USP47: variants seen among roughly 807,000 people sequenced by gnomAD.
USP47 encodes the protein ubiquitin carboxyl-terminal hydrolase 47.
USP47 carries 35 observed loss-of-function variants against 165.1 expected under a neutral mutation model. The observed-to-expected ratio is 0.21, with a 90% CI of 0.16 to 0.28. The LOEUF is 0.28. USP47 is among the 10% of genes least tolerant of loss of function. The pLI is 1.00. For synonymous variants in USP47, 531 were observed against 544.5 expected, an observed-to-expected ratio of 0.98 and a Z score of 0.35; for missense variants, 1,277 against 1,607.4, an observed-to-expected ratio of 0.79 and a Z score of 3.52.
At chr11:11,842,337 G>C in intron 1 of USP47, 113 bp downstream of exon 1, 6 of 1,242,184 alleles carry the variant, frequency 4.8e-6, no homozygotes, top group Non-Finnish European at 6.7e-6. Context: ...GGCTGTGGGG[G>C]AATGAGGAGG....
intron 15 of USP47, 94 bp downstream of exon 15, chr11:11,933,210 G>A: frequency 1.0e-6 from 1 of 970,196 alleles, no homozygotes; most frequent in Non-Finnish European, 1.6e-6. Context: ...TTGATTCTGA[G>A]ACAATTATGC....
At position 11,902,877 on chromosome 11, in the gene USP47, A is replaced by G. The variant is rs1260274115; in HGVS notation, c.739+17A>G. On this transcript the variant is annotated intron_variant, in intron 6 of 27. Coordinates refer to ENST00000527733, the MANE Select transcript of USP47 (RefSeq NM_001282659.2). ...GTAGTGAGGGTACTAATTCTCTTGT[A>G]ATGATAAGCGTTCTAATATTCAAAC... 1 of 1,542,432 alleles carries G rather than the reference A, an allele frequency of 6.5e-7. No homozygotes were observed.
intron 14 of USP47, among the ~76,000 whole-genome samples, chr11:11,931,890 G>A (rs1489289656): frequency 6.6e-6 from 1 of 152,094 alleles, no homozygotes; most frequent in Admixed American, 6.6e-5. Context: ...ATGATTATAT[G>A]TGAGTCTATA....
At chr11:11,920,084 T>C (rs1853719510) in intron 8 of USP47, 72 bp from the exon 9 acceptor site, 1 of 1,151,886 alleles carries the variant, frequency 8.7e-7, no homozygotes, top group Non-Finnish European at 1.2e-6. Context: ...GTAATTACAG[T>C]CTTTTTTATT....
chr11:11,924,728 A>C (rs1320840561), intron 11 of USP47, among the ~76,000 whole-genome samples: 1 of 152,070 alleles, frequency 6.6e-6, no homozygotes, highest in Non-Finnish European at 1.5e-5. Flanking sequence ...GTGTTATCAA[A>C]CTTGGGGGCA....
intron 8 of USP47, among the ~76,000 whole-genome samples, chr11:11,913,196 G>C (rs1590362005): frequency 8.9e-6 from 1 of 112,688 alleles, no homozygotes; most frequent in Admixed American, 1.1e-4. Flanking sequence ...ACTACTAAAG[G>C]AAGAAATAAA....
In USP47 at chr11:11,933,888, G is replaced by A. The variant is rs374383255; in HGVS notation, c.1822G>A (p.Val608Ile). The change falls in exon 16 of 28, where the codon GTT (valine) becomes ATT (isoleucine). Residue 608 changes from valine to isoleucine, a missense_variant. Physicochemically the swap from Val to Ile is conservative, Grantham distance 29 (BLOSUM62 3). Around this residue, in one of 4 missense-constraint regions of USP47, gnomAD observed 909 missense variants for 1,068.1 expected, o/e 0.85. Coordinates refer to ENST00000527733, the MANE Select transcript of USP47 (RefSeq NM_001282659.2). ...KQVMMENKLE[V>I]HKDKTLKEAV... is the part of the protein sequence containing the mutation. ...AGTAATGATGGAAAATAAATTGGAGGTTCATAAGGATAAGACATTAAAGGA... is the reference window on the plus strand; with the variant it reads ...AGTAATGATGGAAAATAAATTGGAGATTCATAAGGATAAGACATTAAAGGA... 6.2e-7 allele frequency: 1 copy of A among 1,609,842 alleles called. No homozygotes were observed.
At chr11:11,904,437 C>T (rs1017729757) in intron 7 of USP47, among the ~76,000 whole-genome samples, 1 of 152,086 alleles carries the variant, frequency 6.6e-6, no homozygotes, top group Admixed American at 6.6e-5. Context: ...CCTGTTCTTA[C>T]TTAGGAGATT....
Position 11,960,371 on chromosome 11 carries a change from A to G in USP47, c.*4196A>G, listed in dbSNP as rs887391934. Among the ~76,000 whole-genome samples, 1 of 152,222 alleles carries G rather than the reference A, an allele frequency of 6.6e-6. No individual in the cohort carries two copies. Among genetic ancestry groups the G allele is most frequent in the Non-Finnish European group, 1.5e-5 (1 of 68,042 alleles). On this transcript the variant is annotated 3_prime_UTR_variant, in exon 28 of 28. Coordinates refer to ENST00000527733, the MANE Select transcript of USP47 (RefSeq NM_001282659.2). ...TGAAGGTAGATGCCCTGCAGGTCCT[A>G]TCAGCAAAGGACCCAACTCCTAACA... is the stretch of plus-strand genomic sequence containing the variant.
intron 20 of USP47, 52 bp downstream of exon 20, chr11:11,943,164 C>T (rs935762125): frequency 2.0e-6 from 3 of 1,531,880 alleles, no homozygotes; most frequent in Non-Finnish European, 1.8e-6. Context: ...GTTTTTCTCT[C>T]AGTTTATTTA....
chr11:11,894,044 A>G (rs1030819152), intron 4 of USP47, among the ~76,000 whole-genome samples: 12 of 152,224 alleles, frequency 7.9e-5, no homozygotes, highest in Non-Finnish European at 8.8e-5. Context: ...AAAAAAATAC[A>G]AAATTATCTT....
intron 21 of USP47, 159 bp from the exon 22 acceptor site, chr11:11,948,319 C>A: frequency 1.2e-6 from 1 of 821,168 alleles, no homozygotes; most frequent in Non-Finnish European, 1.9e-6. Context: ...AGCTGTGTGT[C>A]AGTTACTATT....
rs539441069 is a variant in USP47 at position 11,958,746 on chromosome 11, C to T, written c.*2571C>T. ...GAGGGGTGCATTCTGGCCAAAGAAACAAAAGCTGTGGTTTCAGGACCATGC... is the reference window on the plus strand; with the variant it reads ...GAGGGGTGCATTCTGGCCAAAGAAATAAAAGCTGTGGTTTCAGGACCATGC... On this transcript the variant is annotated 3_prime_UTR_variant, in exon 28 of 28. Transcript: ENST00000527733. 1 of 152,342 alleles carries T rather than the reference C, an allele frequency of 6.6e-6. No homozygotes were observed. Among genetic ancestry groups the T allele is most frequent in the South Asian group, 2.1e-4 (1 of 4,824 alleles). 9.4% of individuals were successfully genotyped at this position (152,342 alleles called of 1,614,324 possible).
chr11:11,875,910 C>G (rs1251363217), intron 1 of USP47, among the ~76,000 whole-genome samples: 1 of 152,148 alleles, frequency 6.6e-6, no homozygotes, highest in Non-Finnish European at 1.5e-5. Flanking sequence ...GCCATTTTTA[C>G]TTTTTTAAAA....
In USP47 at chr11:11,942,118, G is replaced by A. The variant is rs552030285; in HGVS notation, c.2314-217G>A. 4.6e-5 allele frequency among the ~76,000 whole-genome samples: 7 copies of A among 152,100 alleles called. No individual in the cohort carries two copies. The South Asian group carries it at 6.2e-4, about 14-fold the overall frequency. On this transcript the variant is annotated intron_variant, in intron 19 of 27. Coordinates refer to ENST00000527733, the MANE Select transcript of USP47 (RefSeq NM_001282659.2). Reference sequence around the variant, plus strand: ...TTGTGTGTATGTGTATGTCCATACCGTCTATCTTAGTGTAGTTTTATGGCT... The same window carrying A: ...TTGTGTGTATGTGTATGTCCATACCATCTATCTTAGTGTAGTTTTATGGCT...
chr11:11,950,959 T>C (rs1856179335), intron 24 of USP47: 1 of 152,632 alleles, frequency 6.6e-6, no homozygotes, highest in Non-Finnish European at 1.5e-5. Flanking sequence ...ACTGATAATT[T>C]ATCAGAGACT....
intron 3 of USP47, among the ~76,000 whole-genome samples, chr11:11,885,821 C>T (rs553912458): frequency 6.6e-6 from 1 of 152,180 alleles, no homozygotes; most frequent in Non-Finnish European, 1.5e-5. Context: ...TCAGCAACTT[C>T]CTGCAGGTGC....
At chr11:11,917,406 G>A (rs1198088566) in intron 8 of USP47, among the ~76,000 whole-genome samples, 1 of 152,156 alleles carries the variant, frequency 6.6e-6, no homozygotes, top group African/African-American at 2.4e-5. Flanking sequence ...GGCAGCTTCG[G>A]CAAAAGAACT....
At chr11:11,847,859 G>A (rs752905005) in intron 1 of USP47, among the ~76,000 whole-genome samples, 21 of 152,150 alleles carry the variant, frequency 1.4e-4, no homozygotes, top group Non-Finnish European at 3.1e-4. Context: ...CCCTCTGATT[G>A]CAATTTGAAT....
Sources: gnomAD v4.1 joint callset for allele counts (sites outside exome capture counted in the v4.1 genomes callset) on GRCh38, gnomAD v4.1.1 for gene constraint, gnomAD v4.1.1 regional missense constraint, MANE v1.5 for transcripts, NCBI Gene and HGNC (gene_info 2026-07-23, HGNC 2026-07-21) for gene names.